The following OTOG variants were observed in gnomAD, a reference collection of about 807,000 sequenced individuals.
OTOG encodes otogelin.
In OTOG, 296 loss-of-function variants were observed where a neutral mutation model predicts 313.8. The observed-to-expected ratio is 0.94, with a 90% CI of 0.86 to 1.04. The LOEUF (loss-of-function observed/expected upper bound fraction) is 1.04, where lower values mean the gene tolerates loss of function less well. OTOG is among the 50% of genes least tolerant of loss of function. The probability of loss-of-function intolerance (pLI) is 0.00; values close to 1 mark genes in which losing one functional copy is unlikely to be tolerated. For synonymous variants in OTOG, 1,533 were observed against 1,554.9 expected, an observed-to-expected ratio of 0.99 and a Z score of 0.33; for missense variants, 3,948 against 3,840.1, an observed-to-expected ratio of 1.03 and a Z score of -0.74.
chr11:17,561,741 C>T lies in OTOG; in HGVS notation c.1578C>T (p.Tyr526=). ...ACACGTTCCCCGCCACATGTCAGTA[C>T]ATCCTGGCCAAGAGCCGCTCTTCGG... ...RRYTFPATCQ[Y]ILAKSRSSGT... is the part of the protein sequence containing the mutation. Residue 526 remains tyrosine (Y), a synonymous_variant, in exon 15 of 56, where the codon TAC becomes TAT. Coordinates refer to ENST00000399397, the MANE Select transcript of OTOG (RefSeq NM_001292063.2). The T allele has an allele frequency of 6.4e-7, 1 of 1,550,566 alleles. No individual in the cohort carries two copies. Among genetic ancestry groups the T allele is most frequent in the Non-Finnish European group, 8.7e-7 (1 of 1,146,980 alleles).
intron 30 of OTOG, among the ~76,000 whole-genome samples, chr11:17,597,817 G>A (rs1853151341): frequency 6.6e-6 from 1 of 152,220 alleles, no homozygotes; most frequent in Non-Finnish European, 1.5e-5. Flanking sequence ...CTTGCGCTCT[G>A]GGGTCAGACT....
At chr11:17,558,463 T>C in intron 9 of OTOG, 75 bp from the exon 10 acceptor site, 18 of 1,529,186 alleles carry the variant, frequency 1.2e-5, no homozygotes, top group Non-Finnish European at 1.6e-5. Flanking sequence ...TCCCCACAGC[T>C]CAAGTTGGGG....
Position 17,611,439 on chromosome 11 carries a change from G to T in OTOG, c.6123+16G>T. ...CACCTGTGTTGTGAGTGATTTGCCA[G>T]GGTTCTGGCCACCCGTATGTGACCC... On this transcript the variant is annotated intron_variant, in intron 36 of 55. Coordinates refer to ENST00000399397, the MANE Select transcript of OTOG (RefSeq NM_001292063.2). The T allele has an allele frequency of 6.7e-7, 1 of 1,499,242 alleles. No homozygotes were observed. Among genetic ancestry groups the T allele is most frequent in the Non-Finnish European group, 8.9e-7 (1 of 1,117,590 alleles). 92.9% of individuals were successfully genotyped at this position (1,499,242 alleles called of 1,614,324 possible).
chr11:17,619,080 T>G (rs1853801061), intron 39 of OTOG, among the ~76,000 whole-genome samples: 1 of 152,138 alleles, frequency 6.6e-6, no homozygotes, highest in African/African-American at 2.4e-5. Flanking sequence ...CTGGGCAATA[T>G]GGCAAAACAC....
chr11:17,585,397 C>CT (rs1852769180), intron 23 of OTOG, among the ~76,000 whole-genome samples: 1 of 152,132 alleles, frequency 6.6e-6, no homozygotes, highest in Non-Finnish European at 1.5e-5. Flanking sequence ...TCCTGTCCCC[C>CT]TTTTTATCAT....
At chr11:17,636,623 A>G (rs904036063) in intron 47 of OTOG, among the ~76,000 whole-genome samples, 3 of 152,156 alleles carry the variant, frequency 2.0e-5, no homozygotes, top group Non-Finnish European at 4.4e-5. Flanking sequence ...CACTTGCCAC[A>G]GTATTTGCAA....
rs7104990 is a variant in OTOG, at chr11:17,576,275, C to T, written c.2487-281C>T. On this transcript the variant is annotated intron_variant, in intron 20 of 55. Transcript: ENST00000399397. Reference sequence around the variant, plus strand: ...CCTGTTCTTACTGCCCCTCCCTTCCCCGGTCCAAATGAGGCTGGCTGCAGG... The same window carrying T: ...CCTGTTCTTACTGCCCCTCCCTTCCTCGGTCCAAATGAGGCTGGCTGCAGG... Among the ~76,000 whole-genome samples, 64,660 of 152,058 alleles carry T rather than the reference C, an allele frequency of 0.43. 14,080 individuals are homozygous for T. Among genetic ancestry groups the T allele is most frequent in the African/African-American group, 0.48 (19,772 of 41,452 alleles).
chr11:17,631,089 G>A (rs1370984485), intron 40 of OTOG, among the ~76,000 whole-genome samples: 2 of 152,096 alleles, frequency 1.3e-5, no homozygotes, highest in Admixed American at 6.6e-5. Flanking sequence ...GGTGGTACTC[G>A]TCACCTTCAC....
intron 36 of OTOG, 146 bp from the exon 37 acceptor site, chr11:17,612,016 G>A: frequency 1.0e-6 from 1 of 965,850 alleles, no homozygotes. Flanking sequence ...ATGGCTTGTG[G>A]TGGGTAGGGG....
At chr11:17,569,436 A>G in intron 16 of OTOG, 148 bp downstream of exon 16, 1 of 1,128,416 alleles carries the variant, frequency 8.9e-7, no homozygotes, top group Non-Finnish European at 1.2e-6. Flanking sequence ...CTTTGGTTGC[A>G]AAAATGTGGA....
At chr11:17,625,443 T>C (rs1853960280) in intron 39 of OTOG, among the ~76,000 whole-genome samples, 1 of 152,240 alleles carries the variant, frequency 6.6e-6, no homozygotes, top group Non-Finnish European at 1.5e-5. Flanking sequence ...TCTGTTTATG[T>C]GATGAATCAT....
intron 30 of OTOG, among the ~76,000 whole-genome samples, chr11:17,599,459 G>C (rs1238247939): frequency 6.6e-6 from 1 of 152,176 alleles, no homozygotes; most frequent in Non-Finnish European, 1.5e-5. Flanking sequence ...CAGTCTTTGA[G>C]CCTCGTGCTG....
intron 30 of OTOG, 81 bp from the exon 31 acceptor site, chr11:17,599,590 G>T: frequency 6.8e-7 from 1 of 1,476,756 alleles, no homozygotes; most frequent in Non-Finnish European, 9.3e-7. Flanking sequence ...AGGGAGGCTG[G>T]GATGCTGGGA....
In OTOG at chr11:17,610,151, C is replaced by T. The variant is rs758938705; in HGVS notation, c.4851C>T (p.Thr1617=). 3.9e-6 allele frequency: 6 copies of T among 1,550,654 alleles called. No individual in the cohort carries two copies. In the East Asian group the frequency reaches 1.5e-4, roughly 38 times the overall value. Residue 1617 remains threonine, a synonymous_variant, in exon 36 of 56, where the codon ACC becomes ACT. Coordinates refer to ENST00000399397, the MANE Select transcript of OTOG (RefSeq NM_001292063.2). ...SPPAPRFPLM[T]KAVTVRGHGS... The stretch of plus-strand genomic sequence containing the variant: ...CTGCCCCTCGCTTCCCGCTCATGAC[C>T]AAGGCTGTGACAGTCCGAGGCCATG...
intron 24 of OTOG, among the ~76,000 whole-genome samples, chr11:17,589,729 C>T (rs746428256): frequency 2.6e-5 from 4 of 152,190 alleles, no homozygotes; most frequent in Non-Finnish European, 2.9e-5. Flanking sequence ...TCTGTTCTCC[C>T]GTTCCCCTTT....
At chr11:17,612,035 C>T in intron 36 of OTOG, 127 bp from the exon 37 acceptor site, 2 of 1,182,500 alleles carry the variant, frequency 1.7e-6, no homozygotes, top group Non-Finnish European at 2.4e-6. Flanking sequence ...GGGTGAGGGC[C>T]TCTTTCCCTA....
In OTOG at chr11:17,610,100, C is replaced by T; in HGVS notation, c.4800C>T (p.Asn1600=). 6.4e-7 allele frequency: 1 copy of T among 1,550,638 alleles called. No homozygotes were observed. Among genetic ancestry groups the T allele is most frequent in the Non-Finnish European group, 8.7e-7 (1 of 1,146,976 alleles). ...RVTVIFAGSP[N]ITVSSRSPPA... ...CTGTGATCTTTGCAGGAAGCCCTAA[C>T]ATCACAGTCTCCTCCCGGTCGCCCC... The change falls in exon 36 of 56, where the codon AAC becomes AAT. Residue 1600 remains asparagine, a synonymous_variant. Transcript: ENST00000399397.
intron 22 of OTOG, 88 bp from the exon 23 acceptor site, chr11:17,578,285 C>T (rs1030615870): frequency 2.0e-5 from 28 of 1,409,936 alleles, no homozygotes; most frequent in Non-Finnish European, 2.4e-5. Flanking sequence ...GAGCCCGTCT[C>T]TCCCTCCATC....
Position 17,645,762 on chromosome 11 carries a change from G to T in OTOG, c.8560G>T (p.Asp2854Tyr). 1 of 1,550,908 alleles carries T rather than the reference G, an allele frequency of 6.4e-7. No homozygotes were observed. The part of the protein sequence containing the change: ...SSTPVNLVSC[D>Y]GRCPSASIYN... ...GTTCCAGGTGAACCTAGTGTCCTGC[G>T]ATGGGAGGTGCCCATCCGCCAGCAT... is the stretch of plus-strand genomic sequence containing the variant. The change falls in exon 56 of 56, where the codon GAT becomes TAT. Residue 2854 changes from aspartate to tyrosine, a missense_variant. By Grantham distance (160) the Asp-to-Tyr change is radical. Coordinates refer to ENST00000399397, the MANE Select transcript of OTOG (RefSeq NM_001292063.2).
Sources: gnomAD v4.1 joint callset for allele counts (sites outside exome capture counted in the v4.1 genomes callset) on GRCh38, gnomAD v4.1.1 for gene constraint, MANE v1.5 for transcripts, NCBI Gene and HGNC (gene_info 2026-07-23, HGNC 2026-07-21) for gene names.